Variants in NRG3 observed in about 807,000 individuals in gnomAD.
The protein encoded by NRG3 is pro-neuregulin-3, membrane-bound isoform.
In NRG3, 31 loss-of-function variants were observed where a neutral mutation model predicts 66.9. The observed-to-expected ratio is 0.46, with a 90% CI of 0.35 to 0.63. NRG3 has a LOEUF of 0.63. Ranked by LOEUF, NRG3 falls within the 20% of genes least tolerant of loss-of-function variation. The pLI, the probability that NRG3 is intolerant of heterozygous loss-of-function variation, is 0.00. For synonymous variants in NRG3, 393 were observed against 359.4 expected, an observed-to-expected ratio of 1.09 and a Z score of -1.06; for missense variants, 910 against 878.9, an observed-to-expected ratio of 1.04 and a Z score of -0.45.
At chr10:82,055,989 T>C (rs1216513719) in intron 1 of NRG3, among the ~76,000 whole-genome samples, 1 of 152,140 alleles carries the variant, frequency 6.6e-6, no homozygotes. Flanking sequence ...GGGAATAGGA[T>C]AGTGAATGGA....
chr10:82,668,666 G>C (rs1208628931), intron 2 of NRG3, among the ~76,000 whole-genome samples: 1 of 152,138 alleles, frequency 6.6e-6, no homozygotes, highest in African/African-American at 2.4e-5. Flanking sequence ...TCTGTGTAGA[G>C]ACTGAGAAGC....
intron 1 of NRG3, among the ~76,000 whole-genome samples, chr10:82,019,319 G>A (rs912933440): frequency 7.2e-5 from 11 of 152,182 alleles, no homozygotes; most frequent in Non-Finnish European, 1.6e-4. Context: ...TTTTTGATGT[G>A]CTGCTGGATT....
intron 1 of NRG3, among the ~76,000 whole-genome samples, chr10:82,210,626 A>T (rs996322189): frequency 2.6e-5 from 4 of 152,182 alleles, no homozygotes; most frequent in African/African-American, 9.7e-5. Flanking sequence ...TTGCTTTCTC[A>T]CTGTGCCAAA....
chr10:82,342,985 T>G (rs1036431019), intron 1 of NRG3, among the ~76,000 whole-genome samples: 1 of 152,134 alleles, frequency 6.6e-6, no homozygotes, highest in African/African-American at 2.4e-5. Flanking sequence ...CGTCTGCATA[T>G]GGTTATCCAA....
chr10:82,437,508 T>C (rs1449211083), intron 2 of NRG3, among the ~76,000 whole-genome samples: 2 of 152,062 alleles, frequency 1.3e-5, no homozygotes, highest in African/African-American at 4.8e-5. Flanking sequence ...TCATAGTTTT[T>C]TACTACCCAT....
At chr10:82,979,148 AG>A (rs1315481456) in intron 8 of NRG3, 28 bp downstream of exon 8, 1 of 1,609,792 alleles carries the variant, frequency 6.2e-7, no homozygotes, top group Non-Finnish European at 8.5e-7. Flanking sequence ...AGTGGAATTT[AG>A]GGAGGGTGTC....
intron 2 of NRG3, among the ~76,000 whole-genome samples, chr10:82,734,342 T>A (rs1167886157): frequency 6.6e-6 from 1 of 151,848 alleles, no homozygotes; most frequent in East Asian, 1.9e-4. Context: ...GTAGAAATAG[T>A]GATGTCTACC....
chr10:82,646,778 T>C (rs945768223), intron 2 of NRG3, among the ~76,000 whole-genome samples: 1 of 152,028 alleles, frequency 6.6e-6, no homozygotes, highest in Admixed American at 6.6e-5. Context: ...GATCAGACCA[T>C]GTGATTGGGC....
chr10:82,943,462 T>A (rs1232984883), intron 4 of NRG3, among the ~76,000 whole-genome samples: 3 of 152,142 alleles, frequency 2.0e-5, no homozygotes, highest in Non-Finnish European at 4.4e-5. Flanking sequence ...TGATTCTCAG[T>A]CTGAGGCCAA....
At chr10:82,548,728 A>G (rs1329278770) in intron 2 of NRG3, among the ~76,000 whole-genome samples, 2 of 151,998 alleles carry the variant, frequency 1.3e-5, no homozygotes, top group African/African-American at 2.4e-5. Context: ...GGTAATAAGC[A>G]TGAAGAAGGA....
intron 2 of NRG3, among the ~76,000 whole-genome samples, chr10:82,507,053 G>T (rs534239739): frequency 6.6e-6 from 1 of 152,282 alleles, no homozygotes; most frequent in South Asian, 2.1e-4. Context: ...TGAAAATTGT[G>T]TTCAGAACAA....
chr10:82,079,930 A>C (rs1250273968), intron 1 of NRG3, among the ~76,000 whole-genome samples: 2 of 152,214 alleles, frequency 1.3e-5, no homozygotes, highest in Non-Finnish European at 2.9e-5. Context: ...TTTGGTTATG[A>C]ATCAAGCTGC....
chr10:82,001,469 C>T (rs2061164327), intron 1 of NRG3, among the ~76,000 whole-genome samples: 1 of 151,186 alleles, frequency 6.6e-6, no homozygotes, highest in African/African-American at 2.4e-5. Context: ...TGCCATTGCA[C>T]TCCAGCCTGG....
intron 1 of NRG3, among the ~76,000 whole-genome samples, chr10:82,205,943 T>A (rs946647044): frequency 2.6e-5 from 4 of 152,202 alleles, no homozygotes; most frequent in Non-Finnish European, 5.9e-5. Context: ...ACTTGGCTTC[T>A]TATTGATTCT....
chr10:82,652,904 T>C (rs1471990026), intron 2 of NRG3, among the ~76,000 whole-genome samples: 1 of 152,214 alleles, frequency 6.6e-6, no homozygotes, highest in Admixed American at 6.5e-5. Context: ...TTTGGGTTAT[T>C]TATGCAGCAA....
At chr10:82,740,056 C>T in intron 3 of NRG3, among the ~76,000 whole-genome samples, 1 of 151,264 alleles carries the variant, frequency 6.6e-6, no homozygotes, top group African/African-American at 2.4e-5. Context: ...CTTTTTCTTT[C>T]TCTCTTTTTT....
At chr10:82,758,124 C>A (rs2059152840) in intron 3 of NRG3, among the ~76,000 whole-genome samples, 1 of 152,040 alleles carries the variant, frequency 6.6e-6, no homozygotes, top group African/African-American at 2.4e-5. Flanking sequence ...AGAGAGATTG[C>A]TGAAGGTTAC....
chr10:82,232,835 T>A, intron 1 of NRG3: 1 of 717,276 alleles, frequency 1.4e-6, no homozygotes, highest in Non-Finnish European at 2.6e-6. Context: ...TTGTAAGGCA[T>A]GGCCTTTGTT....
intron 2 of NRG3, among the ~76,000 whole-genome samples, chr10:82,565,384 A>G (rs1398551149): frequency 6.6e-6 from 1 of 152,126 alleles, no homozygotes; most frequent in Non-Finnish European, 1.5e-5. Flanking sequence ...CTCTGAAACT[A>G]GTTAATAGAT....
Sources: gnomAD v4.1 joint callset for allele counts (sites outside exome capture counted in the v4.1 genomes callset) on GRCh38, gnomAD v4.1.1 for gene constraint, MANE v1.5 for transcripts, NCBI Gene and HGNC (gene_info 2026-07-23, HGNC 2026-07-21) for gene names.